The following ELMO1 variants were observed in gnomAD, a reference collection of about 807,000 sequenced individuals.
The protein encoded by ELMO1 is engulfment and cell motility 1.
A neutral mutation model predicts 98.9 loss-of-function variants in ELMO1; 26 were observed. The ratio of observed to expected loss-of-function variants is 0.26; its 90% confidence interval spans 0.19 to 0.36. ELMO1 has a LOEUF of 0.36. Ranked by LOEUF, ELMO1 falls within the 10% of genes least tolerant of loss-of-function variation. The pLI is 1.00. For missense variants in ELMO1, 627 were observed against 935.2 expected, an observed-to-expected ratio of 0.67 and a Z score of 4.30; for synonymous variants, 346 against 346.0, an observed-to-expected ratio of 1.00 and a Z score of 0.00.
chr7:37,114,758 A>C (rs951491404), intron 14 of ELMO1, among the ~76,000 whole-genome samples: 7 of 152,248 alleles, frequency 4.6e-5, no homozygotes, highest in African/African-American at 1.7e-4. Context: ...AAAAAAAAAT[A>C]ATGGAGTGGA....
intron 13 of ELMO1, among the ~76,000 whole-genome samples, chr7:37,204,585 G>A (rs758704774): frequency 2.6e-5 from 4 of 152,222 alleles, no homozygotes; most frequent in African/African-American, 4.8e-5. Context: ...GCGACCCAAA[G>A]GGGTTGCCGC....
At chr7:36,899,684 CTTTTT>C (rs10522661) in intron 16 of ELMO1, among the ~76,000 whole-genome samples, 1 of 63,664 alleles carries the variant, frequency 1.6e-5, no homozygotes, top group Non-Finnish European at 3.1e-5. Flanking sequence ...CTTTACTCAT[CTTTTT>C]TTTTTTTTTT....
At chr7:37,255,975 A>T (rs1408187499) in intron 6 of ELMO1, among the ~76,000 whole-genome samples, 2 of 151,940 alleles carry the variant, frequency 1.3e-5, no homozygotes, top group African/African-American at 4.8e-5. Flanking sequence ...GTTTATAACA[A>T]CTCGTCCTCC....
chr7:36,929,716 T>C (rs988095287), intron 16 of ELMO1, among the ~76,000 whole-genome samples: 1 of 152,126 alleles, frequency 6.6e-6, no homozygotes, highest in Non-Finnish European at 1.5e-5. Context: ...AATGTGAAAA[T>C]AGCTGGCGAT....
intron 16 of ELMO1, among the ~76,000 whole-genome samples, chr7:37,006,854 C>T (rs889353220): frequency 9.9e-5 from 15 of 152,116 alleles, no homozygotes; most frequent in Non-Finnish European, 1.8e-4. Context: ...TCTATTTGAA[C>T]ATACACTTAT....
At chr7:37,263,281 T>C (rs181900150) in intron 5 of ELMO1, among the ~76,000 whole-genome samples, 390 of 151,076 alleles carry the variant, frequency 2.6e-3, no homozygotes, top group Non-Finnish European at 4.4e-3. Context: ...TATATAAATA[T>C]ATGTATTCTC....
chr7:37,177,221 A>G (rs1006648840), intron 13 of ELMO1, among the ~76,000 whole-genome samples: 12 of 152,268 alleles, frequency 7.9e-5, no homozygotes, highest in African/African-American at 2.9e-4. Flanking sequence ...TGCCCTGTCA[A>G]GAAAACTTTC....
chr7:37,054,715 C>A (rs1489236564), intron 15 of ELMO1, among the ~76,000 whole-genome samples: 1 of 150,568 alleles, frequency 6.6e-6, no homozygotes, highest in Non-Finnish European at 1.5e-5. Flanking sequence ...TTTAGAGAAT[C>A]TTTGGGTTTC....
chr7:37,096,219 A>G (rs1784358043), intron 15 of ELMO1, among the ~76,000 whole-genome samples: 1 of 152,228 alleles, frequency 6.6e-6, no homozygotes, highest in South Asian at 2.1e-4. Context: ...TCATTAAGGT[A>G]TTCAATTTTT....
chr7:37,438,476 T>C (rs530489728), intron 1 of ELMO1, among the ~76,000 whole-genome samples: 30 of 149,604 alleles, frequency 2.0e-4, no homozygotes, highest in African/African-American at 7.1e-4. Flanking sequence ...GGCGGGAGCC[T>C]GTAGTCCCAG....
At chr7:37,166,377 T>A (rs564266911) in intron 13 of ELMO1, among the ~76,000 whole-genome samples, 97 of 152,290 alleles carry the variant, frequency 6.4e-4, no homozygotes, top group African/African-American at 2.3e-3. Context: ...TGCCTTCTGC[T>A]AGCTTTTGAA....
chr7:37,144,855 C>T (rs556534039), intron 13 of ELMO1, among the ~76,000 whole-genome samples: 1 of 152,260 alleles, frequency 6.6e-6, no homozygotes, highest in Admixed American at 6.5e-5. Context: ...TTTCTGTTAC[C>T]TGCCTGTCAG....
chr7:37,440,441 C>CA (rs34976721), intron 1 of ELMO1, among the ~76,000 whole-genome samples: 135 of 126,800 alleles, frequency 1.1e-3, no homozygotes, highest in Middle Eastern at 4.1e-3. Context: ...GACTCTAGCT[C>CA]AAAAAAAAAA....
chr7:36,932,136 C>T (rs1786101735), intron 16 of ELMO1, among the ~76,000 whole-genome samples: 1 of 152,094 alleles, frequency 6.6e-6, no homozygotes. Flanking sequence ...AAAGAGGCAA[C>T]CAAGGCACTA....
chr7:37,178,130 A>C lies in ELMO1; in HGVS notation c.1086+33256T>G, dbSNP rs574617653. 2.6e-5 allele frequency among the ~76,000 whole-genome samples: 4 copies of C among 152,192 alleles called. No individual in the cohort carries two copies. The South Asian group carries it at 8.3e-4, about 32-fold the overall frequency. ...TTAGTCCGTTTTCATGCTGCTGATAAAGACATACCCGAGACTGGGTAATTC... is the reference window on the plus strand; with the variant it reads ...TTAGTCCGTTTTCATGCTGCTGATACAGACATACCCGAGACTGGGTAATTC... On this transcript the variant is annotated intron_variant, in intron 13 of 21. Transcript: ENST00000310758.
chr7:37,004,716 T>C (rs1334744685), intron 16 of ELMO1, among the ~76,000 whole-genome samples: 1 of 152,234 alleles, frequency 6.6e-6, no homozygotes, highest in Admixed American at 6.5e-5. Context: ...AATGCTCCTG[T>C]TATAGAAAAT....
At chr7:36,967,438 C>A (rs1040938608) in intron 16 of ELMO1, among the ~76,000 whole-genome samples, 3 of 152,150 alleles carry the variant, frequency 2.0e-5, no homozygotes, top group African/African-American at 4.8e-5. Flanking sequence ...CCCCAGCTAA[C>A]CCAGCGTGGC....
intron 6 of ELMO1, among the ~76,000 whole-genome samples, chr7:37,253,244 T>C (rs1316587016): frequency 6.6e-6 from 1 of 152,206 alleles, no homozygotes; most frequent in Non-Finnish European, 1.5e-5. Context: ...CACAAAGGAT[T>C]ATAAGTCATT....
chr7:37,168,131 T>C (rs1264365164), intron 13 of ELMO1, among the ~76,000 whole-genome samples: 3 of 152,048 alleles, frequency 2.0e-5, no homozygotes, highest in African/African-American at 4.8e-5. Flanking sequence ...TTGATCGCAT[T>C]GGCTCCTGAG....
Sources: gnomAD v4.1 joint callset for allele counts (sites outside exome capture counted in the v4.1 genomes callset) on GRCh38, gnomAD v4.1.1 for gene constraint, MANE v1.5 for transcripts, NCBI Gene and HGNC (gene_info 2026-07-23, HGNC 2026-07-21) for gene names.